The following AFAP1L1 variants were observed in gnomAD, a reference collection of about 807,000 sequenced individuals.
AFAP1L1 encodes actin filament-associated protein 1-like 1.
Under a neutral mutation model 99.8 loss-of-function variants are expected in AFAP1L1, and 77 were observed. The observed-to-expected ratio is 0.77, with a 90% CI of 0.64 to 0.93. The LOEUF is 0.93. Ranked by LOEUF, AFAP1L1 falls within the 40% of genes least tolerant of loss-of-function variation. The probability of loss-of-function intolerance (pLI) is 0.00; values close to 1 mark genes in which losing one functional copy is unlikely to be tolerated. For missense variants in AFAP1L1, 893 were observed against 996.8 expected (o/e 0.90, Z 1.40); for synonymous variants, 373 against 395.3 (o/e 0.94, Z 0.67).
intron 8 of AFAP1L1, 39 bp from the exon 9 acceptor site, chr5:149,312,073 C>T: frequency 1.3e-6 from 2 of 1,584,914 alleles, no homozygotes; most frequent in Non-Finnish European, 1.7e-6. Flanking sequence ...TCAACAGCTT[C>T]CCTGCCCACC....
At chr5:149,293,960 G>A (rs1483600055) in intron 1 of AFAP1L1, among the ~76,000 whole-genome samples, 1 of 152,166 alleles carries the variant, frequency 6.6e-6, no homozygotes, top group African/African-American at 2.4e-5. Flanking sequence ...CCTAGCCACT[G>A]CACTATTCTA....
chr5:149,312,276 A>T (rs1407615132), intron 9 of AFAP1L1, 72 bp downstream of exon 9: 1 of 1,476,720 alleles, frequency 6.8e-7, no homozygotes, highest in Non-Finnish European at 9.5e-7. Context: ...CCCCAGGGGA[A>T]CTAACTGGCT....
intron 1 of AFAP1L1, among the ~76,000 whole-genome samples, chr5:149,297,697 G>T (rs1756060856): frequency 6.6e-6 from 1 of 152,158 alleles, no homozygotes; most frequent in Non-Finnish European, 1.5e-5. Context: ...GAAGGTCCTA[G>T]TGTGGTCATC....
intron 9 of AFAP1L1, among the ~76,000 whole-genome samples, chr5:149,313,902 G>A (rs1227120812): frequency 6.6e-6 from 1 of 152,206 alleles, no homozygotes; most frequent in Non-Finnish European, 1.5e-5. Flanking sequence ...AAAGGTGCAG[G>A]AGCAGGAAGA....
intron 12 of AFAP1L1, 108 bp from the exon 13 acceptor site, chr5:149,319,474 G>T: frequency 7.8e-7 from 1 of 1,280,106 alleles, no homozygotes; most frequent in East Asian, 2.4e-5. Flanking sequence ...CGAGTATCGG[G>T]TACGTAGTCA....
chr5:149,319,808 G>A, intron 13 of AFAP1L1, 81 bp downstream of exon 13: 1 of 1,550,738 alleles, frequency 6.4e-7, no homozygotes, highest in Non-Finnish European at 8.7e-7. Context: ...CCAGCCCTGG[G>A]CACTGGGAGG....
intron 4 of AFAP1L1, 150 bp from the exon 5 acceptor site, chr5:149,302,268 C>T (rs1009460622): frequency 1.1e-5 from 6 of 531,796 alleles, no homozygotes; most frequent in South Asian, 3.3e-5. Context: ...AATATGCCCT[C>T]GAGTTTTACC....
Position 149,340,006 on chromosome 5 carries a change from G to C in AFAP1L1, c.2284-1G>C, listed in dbSNP as rs542974664. The C allele has an allele frequency of 6.2e-7, 1 of 1,614,014 alleles. No individual in the cohort carries two copies. The highest frequency in any genetic ancestry group is 2.2e-5 in the East Asian group (1 of 44,878). On this transcript the variant is annotated splice_acceptor_variant, in intron 18 of 18. Transcript: ENST00000296721. LOFTEE classifies it high-confidence loss of function. ...ATTTGTCTTCTCTTTCTGTGCTTCA[G>C]GAATGGGAAATGAAGAAGACCTAGG...
chr5:149,309,485 A>G (rs1167824487), intron 7 of AFAP1L1, among the ~76,000 whole-genome samples: 1 of 152,128 alleles, frequency 6.6e-6, no homozygotes, highest in Non-Finnish European at 1.5e-5. Flanking sequence ...CTCTTTTCGT[A>G]ATATCATTGA....
intron 1 of AFAP1L1, among the ~76,000 whole-genome samples, chr5:149,284,141 C>G (rs1037249234): frequency 6.6e-6 from 1 of 152,160 alleles, no homozygotes; most frequent in Non-Finnish European, 1.5e-5. Flanking sequence ...GGGCAGCATG[C>G]CGAGAGCCCA....
chr5:149,302,060 C>T (rs967329459), intron 4 of AFAP1L1, among the ~76,000 whole-genome samples: 20 of 152,376 alleles, frequency 1.3e-4, no homozygotes, highest in African/African-American at 4.8e-4. Flanking sequence ...GAACAGGCCT[C>T]ACGCTTCCTT....
At chr5:149,279,558 T>C (rs1755448827) in intron 1 of AFAP1L1, among the ~76,000 whole-genome samples, 1 of 152,230 alleles carries the variant, frequency 6.6e-6, no homozygotes, top group African/African-American at 2.4e-5. Context: ...AGGATGGAAT[T>C]TGGGGAGACC....
chr5:149,322,788 A>C, intron 15 of AFAP1L1, 71 bp downstream of exon 15: 512 of 1,235,656 alleles, frequency 4.1e-4, no homozygotes, highest in Non-Finnish European at 5.4e-4. Flanking sequence ...GAGGGATCTC[A>C]AAATCAGTTT....
chr5:149,291,894 C>G (rs1427681699), intron 1 of AFAP1L1, among the ~76,000 whole-genome samples: 1 of 152,168 alleles, frequency 6.6e-6, no homozygotes, highest in Non-Finnish European at 1.5e-5. Context: ...CTTCATAAAA[C>G]CACAGTCTCA....
chr5:149,317,625 C>T, intron 11 of AFAP1L1, 104 bp from the exon 12 acceptor site: 2 of 1,213,554 alleles, frequency 1.6e-6, no homozygotes, highest in Non-Finnish European at 2.3e-6. Context: ...AGAGAGCTGA[C>T]CAGGACCCCG....
At chr5:149,326,736 C>G (rs10044242) in intron 15 of AFAP1L1, among the ~76,000 whole-genome samples, 1,737 of 152,070 alleles carry the variant, frequency 0.011, 19 homozygotes, top group African/African-American at 0.024. Context: ...AGAGCAAACA[C>G]CTGACAATTA....
chr5:149,316,273 T>A lies in AFAP1L1; in HGVS notation c.1237T>A (p.Ser413Thr). ...GACACTGGCCGATGACCTGCAGACG[T>A]CCTCCACCGAGGAGGAGGTTCCCTG... Reference protein sequence around the residue: ...KKTLADDLQTSSTEEEVPCCG... With the variant: ...KKTLADDLQTTSTEEEVPCCG... The change falls in exon 11 of 19, where the codon TCC becomes ACC. Residue 413 changes from serine to threonine, a missense_variant. Ser to Thr is a moderately conservative substitution (Grantham distance 58, BLOSUM62 1). Coordinates refer to ENST00000296721, the MANE Select transcript of AFAP1L1 (RefSeq NM_152406.4). The A allele has an allele frequency of 1.2e-6, 2 of 1,613,876 alleles. No homozygotes were observed. Among genetic ancestry groups the A allele is most frequent in the Non-Finnish European group, 1.7e-6 (2 of 1,179,958 alleles).
In AFAP1L1 at chr5:149,319,690, T is replaced by C; in HGVS notation, c.1588T>C (p.Leu530=). ...LHYDYVDVET[L]TSIVSAGRNS... ...CTATGACTACGTGGATGTGGAGACCTTAACCAGCATCGTCAGTGCTGGGCG... is the reference window on the plus strand; with the variant it reads ...CTATGACTACGTGGATGTGGAGACCCTAACCAGCATCGTCAGTGCTGGGCG... Residue 530 remains leucine (L), a synonymous_variant, in exon 13 of 19, where the codon TTA becomes CTA. Transcript: ENST00000296721. The C allele has an allele frequency of 3.1e-6, 5 of 1,612,296 alleles. No homozygotes were observed. In the East Asian group the frequency reaches 1.1e-4, roughly 36 times the overall value.
At chr5:149,286,770 G>C (rs1465024376) in intron 1 of AFAP1L1, among the ~76,000 whole-genome samples, 2 of 152,188 alleles carry the variant, frequency 1.3e-5, no homozygotes, top group Admixed American at 1.3e-4. Flanking sequence ...GAGGTAGGGA[G>C]GGCAGTTATG....
Sources: allele counts gnomAD v4.1 joint callset (sites outside exome capture counted in the v4.1 genomes callset), GRCh38; gene constraint gnomAD v4.1.1; transcripts MANE v1.5; gene names NCBI Gene and HGNC (gene_info 2026-07-23, HGNC 2026-07-21).